DCLRE1C: variants seen among roughly 807,000 people sequenced by gnomAD.
DCLRE1C encodes the protein protein artemis.
In DCLRE1C, 47 loss-of-function variants were observed where a neutral mutation model predicts 61.4. The ratio of observed to expected loss-of-function variants is 0.77; its 90% confidence interval spans 0.61 to 0.98. The LOEUF (loss-of-function observed/expected upper bound fraction) is 0.98. DCLRE1C is among the 50% of genes least tolerant of loss of function. DCLRE1C has a pLI of 0.00. For synonymous variants in DCLRE1C, 337 were observed against 287.6 expected (o/e 1.17, Z -1.74); for missense variants, 858 against 816.0 (o/e 1.05, Z -0.63).
chr10:14,945,094 AT>A lies in DCLRE1C; in HGVS notation c.246+10del. 6.2e-7 allele frequency: 1 copy of A among 1,601,928 alleles called. No homozygotes were observed. On this transcript the variant is annotated intron_variant, in intron 3 of 13. Coordinates refer to ENST00000378278, the MANE Select transcript of DCLRE1C (RefSeq NM_001033855.3). The stretch of plus-strand genomic sequence containing the variant: ...TAAAAAAAATTAAGTTATTAAAAAA[AT>A]AAAACTTACAATTCGTTTCTTCCAA...
chr10:14,920,257 A>T, intron 12 of DCLRE1C: 2 of 429,738 alleles, frequency 4.7e-6, no homozygotes, highest in Non-Finnish European at 6.9e-6. Flanking sequence ...AGTAGGGTTT[A>T]CTTATATCTC....
chr10:14,954,065 A>G lies in DCLRE1C; in HGVS notation c.-55T>C, dbSNP rs1842847138. 1 of 1,608,732 alleles carries G rather than the reference A, an allele frequency of 6.2e-7. No individual in the cohort carries two copies. Among genetic ancestry groups the G allele is most frequent in the Non-Finnish European group, 8.5e-7 (1 of 1,178,652 alleles). ...CAAAACCGCAGCTGAAGCCAAGGCC[A>G]GCCCTGACCGCGCCGCCACTTCCGG... On this transcript the variant is annotated 5_prime_UTR_variant, in exon 1 of 14. Coordinates refer to ENST00000378278, the MANE Select transcript of DCLRE1C (RefSeq NM_001033855.3).
At chr10:14,944,252 AGTGGGTGGAACCAAG>A (rs1841323056) in intron 3 of DCLRE1C, among the ~76,000 whole-genome samples, 1 of 152,188 alleles carries the variant, frequency 6.6e-6, no homozygotes, top group Admixed American at 6.5e-5. Flanking sequence ...CTTGGAACCA[AGTGGGTGGAACCAAG>A]GTGGGTGGAT....
At chr10:14,930,457 G>C (rs1242394850) in intron 9 of DCLRE1C, among the ~76,000 whole-genome samples, 1 of 151,182 alleles carries the variant, frequency 6.6e-6, no homozygotes, top group Non-Finnish European at 1.5e-5. Context: ...TTTTGAGGCA[G>C]AGTCTTGCTC....
intron 3 of DCLRE1C, among the ~76,000 whole-genome samples, chr10:14,943,907 A>G (rs141215494): frequency 3.2e-3 from 490 of 152,132 alleles, no homozygotes; most frequent in African/African-American, 0.011. Context: ...GGTACAATTA[A>G]ATCCTTTCCT....
chr10:14,910,055 G>A (rs996539795), intron 13 of DCLRE1C, among the ~76,000 whole-genome samples: 6 of 152,142 alleles, frequency 3.9e-5, no homozygotes, highest in Non-Finnish European at 8.8e-5. Context: ...ACTGTGTATG[G>A]CAACTTCTTG....
At chr10:14,936,737 G>C (rs1839991683) in intron 4 of DCLRE1C, 144 bp from the exon 5 acceptor site, 2 of 647,306 alleles carry the variant, frequency 3.1e-6, no homozygotes, top group Non-Finnish European at 5.6e-6. Context: ...CCAAATCCTA[G>C]AAACAAGTGG....
intron 1 of DCLRE1C, among the ~76,000 whole-genome samples, chr10:14,953,677 C>A (rs1842781865): frequency 6.6e-6 from 1 of 152,196 alleles, no homozygotes; most frequent in African/African-American, 2.4e-5. Context: ...TTGACCAAGC[C>A]GGCCCGGGGC....
chr10:14,934,620 G>A (rs1445245263), intron 7 of DCLRE1C, 83 bp downstream of exon 7: 59 of 1,610,848 alleles, frequency 3.7e-5, no homozygotes, highest in Non-Finnish European at 4.7e-5. Flanking sequence ...GGACAGTTAG[G>A]ATATGACCTG....
intron 3 of DCLRE1C, among the ~76,000 whole-genome samples, chr10:14,941,645 G>C (rs1194716287): frequency 3.3e-5 from 5 of 152,184 alleles, no homozygotes; most frequent in South Asian, 4.2e-4. Context: ...TTAACCAAAG[G>C]GTCAGTTATT....
At chr10:14,916,426 TG>T (rs1319689450) in intron 13 of DCLRE1C, among the ~76,000 whole-genome samples, 17 of 152,346 alleles carry the variant, frequency 1.1e-4, no homozygotes, top group African/African-American at 3.8e-4. Context: ...CAGGTTGCAT[TG>T]CATATCCCTA....
chr10:14,927,576 G>A (rs902036213), intron 10 of DCLRE1C, among the ~76,000 whole-genome samples: 28 of 145,866 alleles, frequency 1.9e-4, no homozygotes, highest in Non-Finnish European at 3.0e-4. Flanking sequence ...GAGGGAGTGG[G>A]GGGGGAGAAA....
intron 13 of DCLRE1C, chr10:14,899,525 T>G: frequency 6.2e-7 from 1 of 1,613,066 alleles, no homozygotes; most frequent in Non-Finnish European, 8.5e-7. Context: ...ATACTTACAG[T>G]TTTTTCTGTT....
downstream of DCLRE1C, chr10:14,902,652 T>G (rs1834104262): frequency 1.7e-6 from 1 of 578,116 alleles, no homozygotes; most frequent in Non-Finnish European, 3.0e-6. Context: ...ATTTGCCAAA[T>G]GTATTACCGA....
At chr10:14,899,234 C>A (rs60006238) in exon 14 of DCLRE1C, 1 of 701,878 alleles carries the variant, frequency 1.4e-6, no homozygotes. Flanking sequence ...GCAGGAAGAT[C>A]GCTTGATCCC....
At chr10:14,925,928 G>A (rs927543663) in intron 11 of DCLRE1C, among the ~76,000 whole-genome samples, 4 of 152,152 alleles carry the variant, frequency 2.6e-5, no homozygotes, top group African/African-American at 9.7e-5. Context: ...TTTAATCACG[G>A]GGGTGGCTAC....
At chr10:14,946,262 C>T (rs991387966) in intron 2 of DCLRE1C, among the ~76,000 whole-genome samples, 1 of 152,040 alleles carries the variant, frequency 6.6e-6, no homozygotes, top group African/African-American at 2.4e-5. Flanking sequence ...CCCACCTCAG[C>T]CTCCCAAAGT....
intron 3 of DCLRE1C, among the ~76,000 whole-genome samples, chr10:14,944,316 C>T (rs1334079476): frequency 6.6e-6 from 1 of 152,038 alleles, no homozygotes; most frequent in Non-Finnish European, 1.5e-5. Context: ...CTGACCAACA[C>T]AGTGAAATCC....
chr10:14,918,252 T>C (rs983842961), intron 13 of DCLRE1C, among the ~76,000 whole-genome samples: 2 of 152,232 alleles, frequency 1.3e-5, no homozygotes, highest in African/African-American at 4.8e-5. Context: ...AACAGGTGAA[T>C]GGATCAGCAA....
Sources: allele counts gnomAD v4.1 joint callset (sites outside exome capture counted in the v4.1 genomes callset), GRCh38; gene constraint gnomAD v4.1.1; transcripts MANE v1.5; gene names NCBI Gene and HGNC (gene_info 2026-07-23, HGNC 2026-07-21).